The following USP39 variants were observed in gnomAD, a reference collection of about 807,000 sequenced individuals.
The protein encoded by USP39 is ubiquitin specific peptidase 39.
Under a neutral mutation model 66.4 loss-of-function variants are expected in USP39, and 38 were observed. The ratio of observed to expected loss-of-function variants is 0.57; its 90% CI spans 0.44 to 0.75. The LOEUF (loss-of-function observed/expected upper bound fraction) is 0.75. USP39 is among the 30% of genes least tolerant of loss of function. The pLI is 0.00. For missense variants in USP39, 608 were observed against 714.4 expected (o/e 0.85, Z 1.70); for synonymous variants, 303 against 274.6 (o/e 1.10, Z -1.02).
chr2:85,642,822 G>C (rs963430318), intron 10 of USP39, among the ~76,000 whole-genome samples: 1 of 152,120 alleles, frequency 6.6e-6, no homozygotes, highest in African/African-American at 2.4e-5. Context: ...GACTTATGGT[G>C]ATTAGGCACC....
chr2:85,627,227 G>A (rs1400880521), intron 5 of USP39, among the ~76,000 whole-genome samples: 1 of 151,540 alleles, frequency 6.6e-6, no homozygotes, highest in Non-Finnish European at 1.5e-5. Flanking sequence ...CTCCTGAGTA[G>A]CTGGGATTAC....
upstream of USP39, among the ~76,000 whole-genome samples, chr2:85,614,611 A>G (rs754333327): frequency 1.6e-4 from 24 of 152,228 alleles, no homozygotes; most frequent in African/African-American, 1.9e-4. Context: ...CCATGGCTAC[A>G]ATGCTTGTTT....
chr2:85,611,998 C>A, upstream of USP39: 1 of 1,505,782 alleles, frequency 6.6e-7, no homozygotes, highest in Non-Finnish European at 8.8e-7. Flanking sequence ...GAGCCGGGGA[C>A]GCAGAGTCGC....
intron 10 of USP39, among the ~76,000 whole-genome samples, chr2:85,644,313 A>C (rs376224975): frequency 6.6e-6 from 1 of 152,248 alleles, no homozygotes; most frequent in African/African-American, 2.4e-5. Flanking sequence ...GTATTGTGTA[A>C]GTTTTTATAA....
chr2:85,613,704 AT>A (rs869037371), upstream of USP39, among the ~76,000 whole-genome samples: 1 of 139,650 alleles, frequency 7.2e-6, no homozygotes, highest in Admixed American at 7.8e-5. Flanking sequence ...TGACCGAGAG[AT>A]CAGTTGATTT....
chr2:85,625,737 G>T, intron 5 of USP39, 46 bp downstream of exon 5: 1 of 1,596,334 alleles, frequency 6.3e-7, no homozygotes, highest in African/African-American at 1.3e-5. Context: ...ACACCCAGAA[G>T]GCTGAGCACA....
chr2:85,616,095 G>C (rs902050996), upstream of USP39: 2 of 1,350,854 alleles, frequency 1.5e-6, no homozygotes, highest in Admixed American at 3.5e-5. Flanking sequence ...GCGACTCGTA[G>C]AGAGTTCGGG....
chr2:85,629,252 G>A (rs370717088), intron 5 of USP39, among the ~76,000 whole-genome samples: 4 of 151,638 alleles, frequency 2.6e-5, no homozygotes, highest in Non-Finnish European at 5.9e-5. Context: ...TAGTAGAGAC[G>A]GTTTCACCAT....
intron 8 of USP39, 84 bp downstream of exon 8, chr2:85,637,520 A>G: frequency 2.1e-6 from 3 of 1,444,690 alleles, no homozygotes; most frequent in Non-Finnish European, 2.9e-6. Flanking sequence ...CAGAGAACTG[A>G]CAAGCCTGCT....
chr2:85,624,147 T>A (rs958257447), intron 4 of USP39, among the ~76,000 whole-genome samples: 5 of 152,198 alleles, frequency 3.3e-5, no homozygotes, highest in Admixed American at 3.3e-4. Flanking sequence ...GGCTCCTGGC[T>A]GCTTTTAACA....
chr2:85,621,124 A>T (rs1279402993), intron 2 of USP39: 1 of 166,032 alleles, frequency 6.0e-6, no homozygotes, highest in Non-Finnish European at 1.3e-5. Context: ...GCAAGGATTT[A>T]TTCACCCTTT....
At chr2:85,610,013 G>GT (rs552989319), upstream of USP39, among the ~76,000 whole-genome samples, 2,159 of 125,140 alleles carry the variant, frequency 0.017, 85 homozygotes, top group African/African-American at 0.051. Context: ...AGTGTAAGTG[G>GT]TTTTTTTTTT....
chr2:85,624,065 T>G (rs1054080759), intron 4 of USP39, among the ~76,000 whole-genome samples: 3 of 152,188 alleles, frequency 2.0e-5, no homozygotes, highest in Non-Finnish European at 4.4e-5. Flanking sequence ...TTTGTGAAAT[T>G]ATTCTTCTAC....
chr2:85,613,209 A>T (rs1210637994), upstream of USP39, among the ~76,000 whole-genome samples: 1 of 152,026 alleles, frequency 6.6e-6, no homozygotes, highest in Non-Finnish European at 1.5e-5. Flanking sequence ...AAAAAAATAC[A>T]TTAAAAAAGA....
At chr2:85,644,863 A>G (rs1676520164) in intron 10 of USP39, 85 bp from the exon 11 acceptor site, 1 of 1,562,840 alleles carries the variant, frequency 6.4e-7, no homozygotes, top group African/African-American at 1.4e-5. Flanking sequence ...GGGCTGAACA[A>G]TTTTGTGGTC....
chr2:85,648,758 C>T lies in USP39; in HGVS notation c.1651-3C>T. On this transcript the variant is annotated splice_polypyrimidine_tract_variant and splice_region_variant and intron_variant, in intron 12 of 12. Transcript: ENST00000323701. ...CTTCAGTTTGTGTTTTCATTTCTTA[C>T]AGATTTGGAAGAGGCGAGATAATGA... is the stretch of plus-strand genomic sequence containing the variant. 1.9e-6 allele frequency: 3 copies of T among 1,614,012 alleles called. No homozygotes were observed. The highest frequency in any genetic ancestry group is 2.2e-5 in the East Asian group (1 of 44,880).
upstream of USP39, chr2:85,608,294 TA>T: frequency 6.6e-6 from 1 of 152,242 alleles, no homozygotes; most frequent in East Asian, 1.9e-4. Context: ...TGCTTGCAAA[TA>T]GGCCTCAAAA....
At position 85,604,233 on chromosome 2, in the gene USP39, C is replaced by CA. The variant is rs1673128781; in HGVS notation, n.226+1153dup. Among the ~76,000 whole-genome samples, 4 of 151,968 alleles carry CA rather than the reference C, an allele frequency of 2.6e-5. No homozygotes were observed. In the South Asian group the frequency reaches 8.3e-4, roughly 31 times the overall value. ...TTGGAGAGCCCTTTTTCTTTTGAGA[C>CA]AGAGTTTCACTTGTTGCCCAGGCTG... On this transcript the variant is annotated intron_variant and non_coding_transcript_variant, in intron 1 of 12. Transcript: ENST00000459775.
chr2:85,622,313 G>T (rs941682554), intron 3 of USP39, among the ~76,000 whole-genome samples: 1 of 151,518 alleles, frequency 6.6e-6, no homozygotes, highest in African/African-American at 2.4e-5. Context: ...AGTAGAGAGG[G>T]GGTTTCACCA....
Sources: allele counts gnomAD v4.1 joint callset (sites outside exome capture counted in the v4.1 genomes callset), GRCh38; gene constraint gnomAD v4.1.1; transcripts MANE v1.5; gene names NCBI Gene and HGNC (gene_info 2026-07-23, HGNC 2026-07-21).